The following MBTPS1 variants were observed in gnomAD, a reference collection of about 807,000 sequenced individuals.
MBTPS1 encodes membrane-bound transcription factor site-1 protease.
A neutral mutation model predicts 127.8 loss-of-function variants in MBTPS1; 94 were observed. That is an observed-to-expected ratio of 0.74 (90% confidence interval 0.62 to 0.87). The LOEUF (loss-of-function observed/expected upper bound fraction) is 0.87. Ranked by LOEUF, MBTPS1 falls within the 40% of genes least tolerant of loss-of-function variation. MBTPS1 has a pLI of 0.00. For missense variants in MBTPS1, 1,636 were observed against 1,353.2 expected, an observed-to-expected ratio of 1.21 and a Z score of -3.28; for synonymous variants, 632 against 509.4, an observed-to-expected ratio of 1.24 and a Z score of -3.24.
chr16:84,093,698 T>A lies in MBTPS1; in HGVS notation c.736+13A>T, dbSNP rs1234705535. The stretch of plus-strand genomic sequence containing the variant: ...GATCACATGACCACGTTCTCACTGC[T>A]GCTGAGACCCACCATCGTCCAGCGT... On this transcript the variant is annotated intron_variant, in intron 5 of 22. Transcript: ENST00000343411. 1 of 1,582,398 alleles carries A rather than the reference T, an allele frequency of 6.3e-7. No individual in the cohort carries two copies. The highest frequency in any genetic ancestry group is 8.7e-7 in the Non-Finnish European group (1 of 1,151,136).
At chr16:84,088,754 A>C (rs2086064252) in intron 8 of MBTPS1, among the ~76,000 whole-genome samples, 2 of 152,148 alleles carry the variant, frequency 1.3e-5, no homozygotes, top group South Asian at 4.1e-4. Flanking sequence ...AGAGGGGCTG[A>C]CGTATGCATG....
At chr16:84,108,967 C>CTAACAGA (rs2086362058) in intron 1 of MBTPS1, among the ~76,000 whole-genome samples, 1 of 152,160 alleles carries the variant, frequency 6.6e-6, no homozygotes, top group Non-Finnish European at 1.5e-5. Flanking sequence ...AATACATAGA[C>CTAACAGA]TAACAGATGT....
chr16:84,095,360 G>A (rs2086164413), intron 4 of MBTPS1, among the ~76,000 whole-genome samples: 1 of 152,230 alleles, frequency 6.6e-6, no homozygotes, highest in Non-Finnish European at 1.5e-5. Context: ...AGACACAAAT[G>A]GTGACAATTA....
At chr16:84,093,475 T>C (rs2086138017) in intron 5 of MBTPS1, among the ~76,000 whole-genome samples, 178 bp from the exon 6 acceptor site, 1 of 152,110 alleles carries the variant, frequency 6.6e-6, no homozygotes, top group Non-Finnish European at 1.5e-5. Flanking sequence ...CTTCCAGGTC[T>C]AGCCACTCCA....
chr16:84,084,873 A>G, intron 10 of MBTPS1, 110 bp downstream of exon 10: 1 of 1,168,592 alleles, frequency 8.6e-7, no homozygotes, highest in Non-Finnish European at 1.2e-6. Context: ...GAAGGGCCTA[A>G]GCTCTCAAAC....
Position 84,093,305 on chromosome 16 carries a change from C to A in MBTPS1, c.737-8G>T. 6.3e-7 allele frequency: 1 copy of A among 1,584,412 alleles called. No homozygotes were observed. The highest frequency in any genetic ancestry group is 8.7e-7 in the Non-Finnish European group (1 of 1,152,876). ...ATGTGCCATGGCCCAACCCTGCAGTCCATAAAGAAAACAATCCCATAAAAC... is the reference window on the plus strand; with the variant it reads ...ATGTGCCATGGCCCAACCCTGCAGTACATAAAGAAAACAATCCCATAAAAC... On this transcript the variant is annotated splice_region_variant and splice_polypyrimidine_tract_variant and intron_variant, in intron 5 of 22. Transcript: ENST00000343411.
At chr16:84,084,661 T>A (rs932770305) in intron 10 of MBTPS1, among the ~76,000 whole-genome samples, 6 of 152,252 alleles carry the variant, frequency 3.9e-5, no homozygotes, top group African/African-American at 1.4e-4. Context: ...TTATGCTTGC[T>A]TGGATATAAA....
chr16:84,089,589 C>A (rs1337837840), intron 8 of MBTPS1, among the ~76,000 whole-genome samples: 1 of 152,248 alleles, frequency 6.6e-6, no homozygotes, highest in African/African-American at 2.4e-5. Context: ...TCATGGTGCT[C>A]TCCCCCTGCT....
intron 1 of MBTPS1, among the ~76,000 whole-genome samples, chr16:84,112,301 C>A (rs1359077722): frequency 1.3e-5 from 2 of 152,152 alleles, no homozygotes; most frequent in Non-Finnish European, 2.9e-5. Context: ...TTAATTTCTG[C>A]TTTAATTTAT....
At position 84,090,917 on chromosome 16, in the gene MBTPS1, A is replaced by C; in HGVS notation, c.989T>G (p.Val330Gly). ...ATTGCCAATAGCAGAAACCATGATT[A>C]CATTGTTAGCTGTTAATTCCCACAC... is the stretch of plus-strand genomic sequence containing the variant. ...DKVWELTANNVIMVSAIGNDG... is the reference protein window; with the variant it reads ...DKVWELTANNGIMVSAIGNDG... Residue 330 changes from valine (V) to glycine (G), a missense_variant, in exon 8 of 23, where the codon GTA becomes GGA. Physicochemically the swap from Val to Gly is moderately radical, Grantham distance 109 (BLOSUM62 -3). Coordinates refer to ENST00000343411, the MANE Select transcript of MBTPS1 (RefSeq NM_003791.4). 6.2e-7 allele frequency: 1 copy of C among 1,613,198 alleles called. No homozygotes were observed. Among genetic ancestry groups the C allele is most frequent in the Non-Finnish European group, 8.5e-7 (1 of 1,179,414 alleles).
intron 9 of MBTPS1, 33 bp from the exon 10 acceptor site, chr16:84,085,167 C>G: frequency 6.2e-7 from 1 of 1,609,648 alleles, no homozygotes; most frequent in Non-Finnish European, 8.5e-7. Context: ...TGCTACATCT[C>G]GCACATTGGC....
At chr16:84,112,908 G>T (rs1184164967) in intron 1 of MBTPS1, among the ~76,000 whole-genome samples, 1 of 147,316 alleles carries the variant, frequency 6.8e-6, no homozygotes, top group African/African-American at 2.5e-5. Context: ...CTGGGAGACA[G>T]AGGTTGCAGT....
At chr16:84,107,780 C>G (rs2086344659) in intron 1 of MBTPS1, among the ~76,000 whole-genome samples, 2 of 151,360 alleles carry the variant, frequency 1.3e-5, no homozygotes, top group African/African-American at 4.9e-5. Context: ...TCATGGTTCA[C>G]TGCAGCCTCA....
At chr16:84,081,026 C>T (rs889508308) in intron 11 of MBTPS1, among the ~76,000 whole-genome samples, 8 of 152,216 alleles carry the variant, frequency 5.3e-5, no homozygotes, top group African/African-American at 1.9e-4. Context: ...AATGTGGGAT[C>T]CTGGACTGGA....
intron 17 of MBTPS1, 27 bp from the exon 18 acceptor site, chr16:84,065,794 G>C (rs762228261): frequency 3.4e-5 from 48 of 1,397,340 alleles, no homozygotes; most frequent in Non-Finnish European, 4.3e-5. Context: ...AAAGTCAAGG[G>C]AACACAGGAA....
intron 1 of MBTPS1, among the ~76,000 whole-genome samples, chr16:84,103,848 C>G (rs148970030): frequency 6.6e-6 from 1 of 152,114 alleles, no homozygotes; most frequent in Non-Finnish European, 1.5e-5. Flanking sequence ...AACTAAGGGG[C>G]GTGGAACTCA....
chr16:84,054,339 G>A lies in MBTPS1; in HGVS notation c.*110C>T. The A allele has an allele frequency of 1.0e-6, 1 of 983,156 alleles. No homozygotes were observed. Among genetic ancestry groups the A allele is most frequent in the South Asian group, 1.8e-5 (1 of 55,830 alleles). 60.9% of individuals were successfully genotyped at this position (983,156 alleles called of 1,614,324 possible). A position where few individuals can be genotyped will look rare whatever the true frequency, so the allele number is the denominator to read the frequency against. ...ATGTAGAACAGACTCTAACAAACCTGCAGCTGGAAACTGGATCCCTTTTAA... is the reference window on the plus strand; with the variant it reads ...ATGTAGAACAGACTCTAACAAACCTACAGCTGGAAACTGGATCCCTTTTAA... On this transcript the variant is annotated 3_prime_UTR_variant, in exon 23 of 23. Transcript: ENST00000343411.
Position 84,095,583 on chromosome 16 carries a change from C to G in MBTPS1, c.625+19G>C. On this transcript the variant is annotated intron_variant, in intron 4 of 22. Transcript: ENST00000343411. The stretch of plus-strand genomic sequence containing the variant: ...ACCTGTATATCCCATAAGCACCTTC[C>G]CTGGGTAATAGCACACACCTGTATA... 1 of 1,611,478 alleles carries G rather than the reference C, an allele frequency of 6.2e-7. No homozygotes were observed. The highest frequency in any genetic ancestry group is 8.5e-7 in the Non-Finnish European group (1 of 1,178,046).
chr16:84,114,258 G>A (rs1213808736), intron 1 of MBTPS1, among the ~76,000 whole-genome samples: 2 of 152,076 alleles, frequency 1.3e-5, no homozygotes, highest in African/African-American at 4.8e-5. Flanking sequence ...ATCACGCCCG[G>A]TCGACAAAGG....
Sources: allele counts gnomAD v4.1 joint callset (sites outside exome capture counted in the v4.1 genomes callset), GRCh38; gene constraint gnomAD v4.1.1; transcripts MANE v1.5; gene names NCBI Gene and HGNC (gene_info 2026-07-23, HGNC 2026-07-21).